The following NRG3 variants were observed in gnomAD, a reference collection of about 807,000 sequenced individuals.
NRG3 encodes the protein pro-neuregulin-3, membrane-bound isoform.
NRG3 carries 31 observed loss-of-function variants against 66.9 expected under a neutral mutation model. That is an observed-to-expected ratio of 0.46 (90% confidence interval 0.35 to 0.63). The LOEUF (loss-of-function observed/expected upper bound fraction) is 0.63, where lower values mean the gene tolerates loss of function less well. Ranked by LOEUF, NRG3 falls within the 20% of genes least tolerant of loss-of-function variation. NRG3 has a pLI of 0.00. For missense variants in NRG3, 910 were observed against 878.9 expected (o/e 1.04, Z -0.45); for synonymous variants, 393 against 359.4 (o/e 1.09, Z -1.06).
At chr10:82,447,221 G>A (rs866820522) in intron 2 of NRG3, among the ~76,000 whole-genome samples, 1 of 152,146 alleles carries the variant, frequency 6.6e-6, no homozygotes, top group Non-Finnish European at 1.5e-5. Context: ...GTGCCAAAAC[G>A]AGCTTCTTTC....
intron 3 of NRG3, among the ~76,000 whole-genome samples, chr10:82,778,168 C>T (rs1233440543): frequency 6.6e-6 from 1 of 152,098 alleles, no homozygotes; most frequent in African/African-American, 2.4e-5. Context: ...AGTGTCTCTG[C>T]TGGGTGGGAG....
intron 1 of NRG3, among the ~76,000 whole-genome samples, chr10:81,913,263 T>C (rs1845347925): frequency 6.6e-6 from 1 of 152,136 alleles, no homozygotes. Flanking sequence ...CTTGTACTTC[T>C]CCTCCTCACC....
At chr10:81,930,244 A>T (rs1443640208) in intron 1 of NRG3, among the ~76,000 whole-genome samples, 2 of 152,138 alleles carry the variant, frequency 1.3e-5, no homozygotes, top group African/African-American at 4.8e-5. Context: ...AGACCCCATA[A>T]GTTAAAGAGT....
chr10:82,563,603 CATACTT>C (rs575777393), intron 2 of NRG3, among the ~76,000 whole-genome samples: 22 of 151,894 alleles, frequency 1.4e-4, no homozygotes, highest in Non-Finnish European at 2.8e-4. Context: ...CAATATGTCA[CATACTT>C]ATATATGTGA....
At chr10:82,261,890 C>T (rs1445724974) in intron 1 of NRG3, among the ~76,000 whole-genome samples, 5 of 152,160 alleles carry the variant, frequency 3.3e-5, no homozygotes, top group Non-Finnish European at 7.4e-5. Context: ...GAACATGTCA[C>T]GGTGCTGCTG....
At position 82,080,893 on chromosome 10, in the gene NRG3, C is replaced by G. The variant is rs568795700; in HGVS notation, c.823+204730C>G. On this transcript the variant is annotated intron_variant, in intron 1 of 8. Coordinates refer to ENST00000372141, the MANE Select transcript of NRG3 (RefSeq NM_001010848.4). ...TCTATCCATTAAACAATAAGTCCCT[C>G]TTCTTTCTTCCTTCCCTCCCCAACA... is the stretch of plus-strand genomic sequence containing the variant. 1.1e-3 allele frequency among the ~76,000 whole-genome samples: 162 copies of G among 152,264 alleles called. 1 individual carries two copies. Among genetic ancestry groups the G allele is most frequent in the African/African-American group, 3.7e-3 (152 of 41,546 alleles).
At chr10:82,533,071 A>G (rs958971512) in intron 2 of NRG3, among the ~76,000 whole-genome samples, 2 of 148,370 alleles carry the variant, frequency 1.3e-5, no homozygotes, top group Non-Finnish European at 3.0e-5. Context: ...TTTTACATAT[A>G]CCTGTTGGCT....
At chr10:82,914,305 G>T (rs1302530478) in intron 4 of NRG3, among the ~76,000 whole-genome samples, 2 of 151,866 alleles carry the variant, frequency 1.3e-5, no homozygotes, top group Non-Finnish European at 2.9e-5. Flanking sequence ...TTCTCCCTTT[G>T]TCTCTTCAGA....
chr10:82,681,754 T>A (rs2054125335), intron 2 of NRG3, among the ~76,000 whole-genome samples: 1 of 152,236 alleles, frequency 6.6e-6, no homozygotes, highest in Non-Finnish European at 1.5e-5. Context: ...ATGGACATTC[T>A]CCTCCAAAGC....
chr10:82,387,933 A>G (rs2348092), intron 2 of NRG3, among the ~76,000 whole-genome samples: 61,568 of 152,058 alleles, frequency 0.4, 15,283 homozygotes, highest in African/African-American at 0.7. Flanking sequence ...ATGGCAAAGA[A>G]CAAAGTTGGA....
chr10:82,845,004 A>C (rs1217056636), intron 3 of NRG3, among the ~76,000 whole-genome samples: 4 of 151,906 alleles, frequency 2.6e-5, no homozygotes, highest in Non-Finnish European at 5.9e-5. Context: ...AAAATACAAA[A>C]GTTTTCCAGG....
At chr10:82,130,028 A>G (rs2068709736) in intron 1 of NRG3, among the ~76,000 whole-genome samples, 1 of 151,768 alleles carries the variant, frequency 6.6e-6, no homozygotes, top group South Asian at 2.1e-4. Context: ...TCTAGTAACC[A>G]TCATTCTACT....
chr10:82,257,423 G>C (rs558389303), intron 1 of NRG3, among the ~76,000 whole-genome samples: 43 of 152,192 alleles, frequency 2.8e-4, no homozygotes, highest in African/African-American at 1.0e-3. Context: ...ACAATTTTAA[G>C]GTCTTTTGTA....
chr10:82,354,014 C>G (rs1362909725), intron 1 of NRG3, among the ~76,000 whole-genome samples: 1 of 112,628 alleles, frequency 8.9e-6, no homozygotes, highest in African/African-American at 3.8e-5. Flanking sequence ...CACTATAACA[C>G]TTTTTTTTTT....
chr10:82,613,572 G>T (rs901572524), intron 2 of NRG3, among the ~76,000 whole-genome samples: 5 of 151,674 alleles, frequency 3.3e-5, no homozygotes, highest in East Asian at 1.9e-4. Context: ...GTCAAGAAAA[G>T]ATGTTATTAT....
chr10:82,492,241 A>T (rs1415132873), intron 2 of NRG3, among the ~76,000 whole-genome samples: 1 of 152,242 alleles, frequency 6.6e-6, no homozygotes, highest in South Asian at 2.1e-4. Context: ...AATGACAAAT[A>T]GCATTACATG....
At chr10:82,675,662 G>A (rs973873479) in intron 2 of NRG3, among the ~76,000 whole-genome samples, 7 of 152,178 alleles carry the variant, frequency 4.6e-5, no homozygotes, top group African/African-American at 1.4e-4. Flanking sequence ...GGGAAAGGCT[G>A]TTATCATTTA....
chr10:82,015,410 A>G (rs756809087), intron 1 of NRG3, among the ~76,000 whole-genome samples: 1 of 152,170 alleles, frequency 6.6e-6, no homozygotes, highest in Non-Finnish European at 1.5e-5. Flanking sequence ...AACAAATCTC[A>G]TCAATATGAT....
intron 1 of NRG3, among the ~76,000 whole-genome samples, chr10:82,076,181 A>G (rs1478942763): frequency 6.6e-6 from 1 of 152,140 alleles, no homozygotes. Context: ...GCCCTCCTTC[A>G]CTTCTTTGCT....
Sources: allele counts gnomAD v4.1 joint callset (sites outside exome capture counted in the v4.1 genomes callset), GRCh38; gene constraint gnomAD v4.1.1; transcripts MANE v1.5; gene names NCBI Gene and HGNC (gene_info 2026-07-23, HGNC 2026-07-21).